ELMO1: variants seen among roughly 807,000 people sequenced by gnomAD.
ELMO1 encodes engulfment and cell motility 1.
Under a neutral mutation model 98.9 loss-of-function variants are expected in ELMO1, and 26 were observed. The observed-to-expected ratio is 0.26, with a 90% CI of 0.19 to 0.36. The LOEUF is 0.36. Ranked by LOEUF, ELMO1 falls within the 10% of genes least tolerant of loss-of-function variation. The probability of loss-of-function intolerance (pLI) is 1.00; values close to 1 mark genes in which losing one functional copy is unlikely to be tolerated. For missense variants in ELMO1, 627 were observed against 935.2 expected (o/e 0.67, Z 4.30); for synonymous variants, 346 against 346.0 (o/e 1.00, Z 0.00).
intron 16 of ELMO1, among the ~76,000 whole-genome samples, chr7:36,910,889 T>A (rs1185590882): frequency 6.6e-6 from 1 of 152,164 alleles, no homozygotes; most frequent in Non-Finnish European, 1.5e-5. Context: ...CTTCAGCACA[T>A]CCTTTCACCT....
At chr7:36,881,044 C>A (rs185194172) in intron 18 of ELMO1, among the ~76,000 whole-genome samples, 13 of 152,226 alleles carry the variant, frequency 8.5e-5, no homozygotes, top group African/African-American at 3.1e-4. Context: ...ACTACTAAAA[C>A]GATAAAAAGC....
intron 20 of ELMO1, among the ~76,000 whole-genome samples, chr7:36,862,863 A>G (rs959956873): frequency 2.0e-5 from 3 of 152,178 alleles, no homozygotes; most frequent in South Asian, 2.1e-4. Context: ...CTCTACCTTA[A>G]TATCTGTTAG....
intron 5 of ELMO1, among the ~76,000 whole-genome samples, chr7:37,264,912 T>C (rs1243810203): frequency 6.6e-6 from 1 of 152,208 alleles, no homozygotes; most frequent in African/African-American, 2.4e-5. Context: ...AATTAAAAAG[T>C]AGTCTAAAAA....
chr7:37,414,366 T>C (rs2131508401), intron 1 of ELMO1, among the ~76,000 whole-genome samples: 1 of 152,328 alleles, frequency 6.6e-6, no homozygotes, highest in East Asian at 1.9e-4. Flanking sequence ...GGAAAACCCC[T>C]GTACATTACA....
rs370205981 is a variant in ELMO1, at chr7:37,176,392, T to G, written c.1086+34994A>C. Reference sequence around the variant, plus strand: ...ATAAAACAAAACAAAAAGCAACATATAGCCTAACGACCATGAAAGTCTCCA... The same window carrying G: ...ATAAAACAAAACAAAAAGCAACATAGAGCCTAACGACCATGAAAGTCTCCA... On this transcript the variant is annotated intron_variant, in intron 13 of 21. Transcript: ENST00000310758. Among the ~76,000 whole-genome samples, 4 of 152,300 alleles carry G rather than the reference T, an allele frequency of 2.6e-5. No homozygotes were observed. The East Asian group carries it at 7.7e-4, about 29-fold the overall frequency.
At chr7:37,164,451 T>C (rs1436677089) in intron 13 of ELMO1, among the ~76,000 whole-genome samples, 4 of 152,206 alleles carry the variant, frequency 2.6e-5, no homozygotes, top group Non-Finnish European at 4.4e-5. Context: ...GGTTTTCTTC[T>C]AGGGTTTTTA....
At chr7:37,030,543 A>G (rs994520548) in intron 15 of ELMO1, among the ~76,000 whole-genome samples, 2 of 152,164 alleles carry the variant, frequency 1.3e-5, no homozygotes, top group Non-Finnish European at 2.9e-5. Flanking sequence ...TAAGAAAGAC[A>G]TTCTATCGAG....
At chr7:37,155,891 G>A (rs144592037) in intron 13 of ELMO1, among the ~76,000 whole-genome samples, 199 of 152,062 alleles carry the variant, frequency 1.3e-3, no homozygotes, top group African/African-American at 4.4e-3. Context: ...GCACGACATC[G>A]CACTTATTCC....
chr7:37,439,548 T>C (rs188787300), intron 1 of ELMO1, among the ~76,000 whole-genome samples: 2 of 152,358 alleles, frequency 1.3e-5, no homozygotes, highest in Admixed American at 1.3e-4. Flanking sequence ...ACAAGCAAAG[T>C]GGCTGTTGAC....
chr7:37,156,074 A>G (rs1208896853), intron 13 of ELMO1, among the ~76,000 whole-genome samples: 1 of 152,188 alleles, frequency 6.6e-6, no homozygotes, highest in African/African-American at 2.4e-5. Context: ...CTGAATGACT[A>G]CTAGGTACAT....
At chr7:37,203,719 TA>T (rs1439510581) in intron 13 of ELMO1, among the ~76,000 whole-genome samples, 1 of 152,088 alleles carries the variant, frequency 6.6e-6, no homozygotes. Context: ...TGGCAGGCAT[TA>T]GGACCCAGGC....
intron 4 of ELMO1, among the ~76,000 whole-genome samples, chr7:37,282,117 A>G (rs1797171015): frequency 6.6e-6 from 1 of 152,006 alleles, no homozygotes; most frequent in Non-Finnish European, 1.5e-5. Context: ...CAACTTTTCT[A>G]CTTAGTCAGA....
intron 2 of ELMO1, among the ~76,000 whole-genome samples, chr7:37,324,151 G>A (rs536563997): frequency 2.6e-4 from 40 of 152,292 alleles, no homozygotes; most frequent in Non-Finnish European, 5.7e-4. Context: ...GGCCCTGGCT[G>A]CGCAGCCACC....
At chr7:37,276,060 C>T (rs1796814425) in intron 4 of ELMO1, among the ~76,000 whole-genome samples, 1 of 152,200 alleles carries the variant, frequency 6.6e-6, no homozygotes, top group Non-Finnish European at 1.5e-5. Context: ...CCAGACTGGA[C>T]ACACATTTCA....
intron 16 of ELMO1, among the ~76,000 whole-genome samples, chr7:36,929,334 C>T (rs1209780182): frequency 1.3e-5 from 2 of 152,146 alleles, no homozygotes; most frequent in Non-Finnish European, 2.9e-5. Flanking sequence ...GTCACTCCCC[C>T]GTTAAGTCTC....
chr7:36,912,820 G>C (rs1025153105), intron 16 of ELMO1, among the ~76,000 whole-genome samples: 1 of 152,094 alleles, frequency 6.6e-6, no homozygotes, highest in African/African-American at 2.4e-5. Flanking sequence ...GCATAGTTAC[G>C]AATATTAAAT....
At chr7:36,871,804 C>T (rs898322974) in intron 19 of ELMO1, among the ~76,000 whole-genome samples, 1 of 152,150 alleles carries the variant, frequency 6.6e-6, no homozygotes, top group African/African-American at 2.4e-5. Flanking sequence ...TCTGTTGACA[C>T]TCCTAGAATA....
chr7:37,416,551 A>G (rs10257398), intron 1 of ELMO1, among the ~76,000 whole-genome samples: 25,361 of 152,124 alleles, frequency 0.17, 2,276 homozygotes, highest in South Asian at 0.26. Flanking sequence ...CTGGAACTGG[A>G]TAATGCATAA....
At chr7:36,953,647 C>T (rs1376446820) in intron 16 of ELMO1, among the ~76,000 whole-genome samples, 1 of 152,274 alleles carries the variant, frequency 6.6e-6, no homozygotes, top group Middle Eastern at 3.4e-3. Flanking sequence ...ACACCATCAT[C>T]TTTAAGGACA....
Sources: gnomAD v4.1 joint callset for allele counts (sites outside exome capture counted in the v4.1 genomes callset) on GRCh38, gnomAD v4.1.1 for gene constraint, MANE v1.5 for transcripts, NCBI Gene and HGNC (gene_info 2026-07-23, HGNC 2026-07-21) for gene names.